DLG1: variants seen among roughly 807,000 people sequenced by gnomAD.
The protein encoded by DLG1 is disks large homolog 1.
In DLG1, 42 loss-of-function variants were observed where a neutral mutation model predicts 123.4. The ratio of observed to expected loss-of-function variants is 0.34; its 90% CI spans 0.27 to 0.44. The LOEUF (loss-of-function observed/expected upper bound fraction) is 0.44. Among genes scored for constraint, DLG1 ranks in the 20% least tolerant of loss-of-function variants. The pLI, the probability that DLG1 is intolerant of heterozygous loss-of-function variation, is 1.00. For missense variants in DLG1, 942 were observed against 1,082.6 expected (o/e 0.87, Z 1.82); for synonymous variants, 317 against 356.2 (o/e 0.89, Z 1.24).
chr3:197,288,990 T>C (rs1375714977), intron 3 of DLG1, among the ~76,000 whole-genome samples: 1 of 152,176 alleles, frequency 6.6e-6, no homozygotes. Context: ...TTAGGTAGTC[T>C]GAGTTTTCAT....
chr3:197,058,815 G>C (rs550569085), intron 23 of DLG1, among the ~76,000 whole-genome samples: 189 of 152,148 alleles, frequency 1.2e-3, no homozygotes, highest in African/African-American at 4.3e-3. Context: ...ATTACTTTTC[G>C]CCCCTATGCA....
At chr3:197,180,913 T>C (rs1809934931) in intron 5 of DLG1, among the ~76,000 whole-genome samples, 1 of 152,130 alleles carries the variant, frequency 6.6e-6, no homozygotes, top group African/African-American at 2.4e-5. Flanking sequence ...ATTAATTAAT[T>C]CTATAAGCAT....
intron 3 of DLG1, among the ~76,000 whole-genome samples, chr3:197,293,542 G>A (rs1229839708): frequency 2.0e-5 from 3 of 152,022 alleles, no homozygotes; most frequent in Non-Finnish European, 2.9e-5. Flanking sequence ...AATACAGTAC[G>A]TACATGCTTG....
At chr3:197,235,105 C>T (rs1745273432) in intron 4 of DLG1, among the ~76,000 whole-genome samples, 1 of 152,048 alleles carries the variant, frequency 6.6e-6, no homozygotes, top group Non-Finnish European at 1.5e-5. Flanking sequence ...ACAAGCAGTA[C>T]AGGACTACAA....
rs147022409 is a variant in DLG1, at chr3:197,277,234, A to G, written c.318+5445T>C. ...TGGTTTTTTTTTTTTTAACCTTTGA[A>G]TCTCTAGTCTAGTTGAAATGTATTG... On this transcript the variant is annotated intron_variant, in intron 4 of 24. Transcript: ENST00000667157. Among the ~76,000 whole-genome samples the G allele has an allele frequency of 6.0e-3, 908 of 151,288 alleles. 6 individuals are homozygous for G. The highest frequency in any genetic ancestry group is 0.022 in the South Asian group (105 of 4,786).
At chr3:197,145,580 A>G (rs1790324170) in intron 6 of DLG1, among the ~76,000 whole-genome samples, 1 of 152,304 alleles carries the variant, frequency 6.6e-6, no homozygotes, top group South Asian at 2.1e-4. Context: ...ACATTTCCAA[A>G]TGAGTGTGCT....
chr3:197,098,217 A>T (rs577967804), intron 14 of DLG1, among the ~76,000 whole-genome samples: 1 of 152,276 alleles, frequency 6.6e-6, no homozygotes, highest in South Asian at 2.1e-4. Context: ...ATGCTTTTTA[A>T]ATAAGATGTG....
intron 4 of DLG1, among the ~76,000 whole-genome samples, chr3:197,260,728 T>G (rs1254260867): frequency 1.6e-5 from 2 of 123,330 alleles, no homozygotes; most frequent in Admixed American, 9.9e-5. Flanking sequence ...AGCTACAGTT[T>G]GGATACTCAA....
At chr3:197,141,036 A>G (rs1282949758) in intron 7 of DLG1, among the ~76,000 whole-genome samples, 1 of 152,198 alleles carries the variant, frequency 6.6e-6, no homozygotes, top group African/African-American at 2.4e-5. Context: ...AATTGATTTA[A>G]CCAATGGTAT....
At chr3:197,155,155 AG>A (rs1331701626) in intron 5 of DLG1, among the ~76,000 whole-genome samples, 1 of 152,220 alleles carries the variant, frequency 6.6e-6, no homozygotes, top group African/African-American at 2.4e-5. Context: ...CCAAAAACAA[AG>A]GGAGATTTTT....
chr3:197,143,577 C>T (rs1251837044), intron 6 of DLG1, among the ~76,000 whole-genome samples: 2 of 152,072 alleles, frequency 1.3e-5, no homozygotes, highest in Admixed American at 6.6e-5. Flanking sequence ...TTTTTAAAGC[C>T]CATAACATAC....
intron 17 of DLG1, among the ~76,000 whole-genome samples, chr3:197,077,346 A>G (rs1248856723): frequency 6.6e-6 from 1 of 152,182 alleles, no homozygotes; most frequent in Admixed American, 6.5e-5. Context: ...AAGCACACAG[A>G]GTCCAGCAAG....
rs1792953623 is a variant in DLG1 at position 197,149,728 on chromosome 3, G to A, written c.537+15C>T. On this transcript the variant is annotated intron_variant, in intron 6 of 24. Coordinates refer to ENST00000667157, the MANE Select transcript of DLG1 (RefSeq NM_001366207.1). ...AGGCAGAATTACTTCAATGTGGGGA[G>A]GAAATGGAACTTACGTAAGTTGGTG... The A allele has an allele frequency of 6.4e-7, 1 of 1,553,374 alleles. No homozygotes were observed. Among genetic ancestry groups the A allele is most frequent in the African/African-American group, 1.4e-5 (1 of 73,826 alleles).
At chr3:197,254,338 C>T (rs1755857252) in intron 4 of DLG1, among the ~76,000 whole-genome samples, 1 of 152,186 alleles carries the variant, frequency 6.6e-6, no homozygotes, top group African/African-American at 2.4e-5. Flanking sequence ...AAACTCATCT[C>T]CCACCCTCAT....
chr3:197,161,740 TAA>T, intron 5 of DLG1: 1 of 1,558,416 alleles, frequency 6.4e-7, no homozygotes, highest in Non-Finnish European at 8.6e-7. Context: ...TTCTGTTGGC[TAA>T]AAATCATCAA....
intron 5 of DLG1, among the ~76,000 whole-genome samples, chr3:197,150,805 C>A (rs1212771577): frequency 6.6e-6 from 1 of 151,884 alleles, no homozygotes; most frequent in Non-Finnish European, 1.5e-5. Context: ...AGCACAGTAC[C>A]ACAGCTAAAT....
intron 11 of DLG1, among the ~76,000 whole-genome samples, chr3:197,126,969 A>T (rs1326391016): frequency 6.6e-6 from 1 of 152,218 alleles, no homozygotes; most frequent in Non-Finnish European, 1.5e-5. Flanking sequence ...AGGAGCACTC[A>T]AAAGCAGGTT....
intron 3 of DLG1, among the ~76,000 whole-genome samples, chr3:197,290,311 G>T (rs530215537): frequency 2.0e-5 from 3 of 152,258 alleles, no homozygotes; most frequent in Admixed American, 2.0e-4. Flanking sequence ...ATTATAAACC[G>T]GTTCAAGAAT....
chr3:197,198,389 G>A (rs1186579526), intron 4 of DLG1, among the ~76,000 whole-genome samples: 2 of 151,312 alleles, frequency 1.3e-5, no homozygotes, highest in African/African-American at 4.9e-5. Context: ...TTGGGAGGCT[G>A]AGGCAGAGAA....
Sources: gnomAD v4.1 joint callset for allele counts (sites outside exome capture counted in the v4.1 genomes callset) on GRCh38, gnomAD v4.1.1 for gene constraint, MANE v1.5 for transcripts, NCBI Gene and HGNC (gene_info 2026-07-23, HGNC 2026-07-21) for gene names.